DENND1A: variants seen among roughly 807,000 people sequenced by gnomAD.
DENND1A encodes DENN domain containing 1A, also known as DENN domain-containing protein 1A.
A neutral mutation model predicts 113.7 loss-of-function variants in DENND1A; 51 were observed. The ratio of observed to expected loss-of-function variants is 0.45; its 90% CI spans 0.36 to 0.57. The LOEUF is 0.57. Ranked by LOEUF, DENND1A falls within the 20% of genes least tolerant of loss-of-function variation. The probability of loss-of-function intolerance (pLI) is 0.00; values close to 1 mark genes in which losing one functional copy is unlikely to be tolerated. For missense variants in DENND1A, 1,258 were observed against 1,395.9 expected, an observed-to-expected ratio of 0.90 and a Z score of 1.57; for synonymous variants, 565 against 570.8, an observed-to-expected ratio of 0.99 and a Z score of 0.14.
intron 13 of DENND1A, among the ~76,000 whole-genome samples, chr9:123,516,896 AAAAAAAAAAAAAAAAAAAAAAAAG>A (rs2053967195): frequency 3.1e-5 from 1 of 32,690 alleles, no homozygotes; most frequent in Non-Finnish European, 1.2e-4. Flanking sequence ...AAAAAAAAAA[AAAAAAAAAAAAAAAAAAAAAAAAG>A]AACGGACAAT....
At chr9:123,778,179 CAATAA>C (rs1390262288) in intron 3 of DENND1A, among the ~76,000 whole-genome samples, 2 of 152,178 alleles carry the variant, frequency 1.3e-5, no homozygotes, top group Non-Finnish European at 2.9e-5. Context: ...CAGCAAAATA[CAATAA>C]AATAATACAA....
intron 5 of DENND1A, among the ~76,000 whole-genome samples, chr9:123,677,056 C>A (rs2064122803): frequency 6.6e-6 from 1 of 152,202 alleles, no homozygotes; most frequent in African/African-American, 2.4e-5. Flanking sequence ...AAATTCAAAG[C>A]CGACTCCACA....
At chr9:123,651,007 T>C (rs963060050) in intron 9 of DENND1A, among the ~76,000 whole-genome samples, 1 of 151,730 alleles carries the variant, frequency 6.6e-6, no homozygotes, top group East Asian at 1.9e-4. Flanking sequence ...ATGTCACTAG[T>C]AGAATTTAGA....
At chr9:123,869,914 T>A (rs890192449) in intron 2 of DENND1A, among the ~76,000 whole-genome samples, 2 of 149,912 alleles carry the variant, frequency 1.3e-5, no homozygotes, top group African/African-American at 4.9e-5. Flanking sequence ...ATCACCTAAG[T>A]CTGGAAGGTC....
chr9:123,493,553 A>G (rs1363264829), intron 13 of DENND1A, among the ~76,000 whole-genome samples: 1 of 151,968 alleles, frequency 6.6e-6, no homozygotes, highest in Non-Finnish European at 1.5e-5. Context: ...GATGTCAGAC[A>G]CTCCTTCATC....
At chr9:123,499,129 G>A (rs2134184232) in intron 13 of DENND1A, among the ~76,000 whole-genome samples, 1 of 151,676 alleles carries the variant, frequency 6.6e-6, no homozygotes, top group East Asian at 1.9e-4. Context: ...CACCTCCCAG[G>A]TTCAAGCTAT....
chr9:123,575,750 T>C (rs1256336716), intron 12 of DENND1A, among the ~76,000 whole-genome samples: 1 of 152,220 alleles, frequency 6.6e-6, no homozygotes, highest in Non-Finnish European at 1.5e-5. Context: ...AAATATTATT[T>C]GGTATACTTG....
At chr9:123,832,779 T>A (rs1178908728) in intron 2 of DENND1A, among the ~76,000 whole-genome samples, 2 of 152,170 alleles carry the variant, frequency 1.3e-5, no homozygotes, top group African/African-American at 2.4e-5. Flanking sequence ...CATGACTCCA[T>A]CTATATAACT....
chr9:123,423,574 T>C (rs1416208961), intron 19 of DENND1A, among the ~76,000 whole-genome samples: 1 of 152,226 alleles, frequency 6.6e-6, no homozygotes, highest in Admixed American at 6.5e-5. Flanking sequence ...TTTCTAATGC[T>C]GGTGCACACT....
At chr9:123,779,737 C>A (rs1830979652) in intron 3 of DENND1A, among the ~76,000 whole-genome samples, 1 of 152,140 alleles carries the variant, frequency 6.6e-6, no homozygotes, top group East Asian at 1.9e-4. Flanking sequence ...TGAACTCAAG[C>A]GATTCACCCA....
chr9:123,559,903 C>T (rs2057640638), intron 12 of DENND1A, among the ~76,000 whole-genome samples: 1 of 152,198 alleles, frequency 6.6e-6, no homozygotes, highest in African/African-American at 2.4e-5. Context: ...GGTTGGCCTA[C>T]TCTGGACATT....
At chr9:123,594,020 G>T (rs1473694101) in intron 11 of DENND1A, among the ~76,000 whole-genome samples, 1 of 152,164 alleles carries the variant, frequency 6.6e-6, no homozygotes, top group African/African-American at 2.4e-5. Context: ...TACCATGATT[G>T]CAAGTTTCCT....
intron 5 of DENND1A, among the ~76,000 whole-genome samples, chr9:123,712,446 C>G (rs531378272): frequency 6.6e-6 from 1 of 152,318 alleles, no homozygotes; most frequent in Admixed American, 6.5e-5. Context: ...CTTTGTGCTC[C>G]TGTTCATTCA....
At chr9:123,902,178 C>A (rs903656008) in intron 1 of DENND1A, among the ~76,000 whole-genome samples, 10 of 115,550 alleles carry the variant, frequency 8.7e-5, no homozygotes, top group Admixed American at 7.8e-4. Flanking sequence ...CACACATACA[C>A]ACACACACAC....
intron 2 of DENND1A, among the ~76,000 whole-genome samples, chr9:123,805,458 G>C (rs113044386): frequency 0.078 from 11,466 of 147,948 alleles, 875 homozygotes; most frequent in African/African-American, 0.2. Context: ...TTTTGAGACA[G>C]AGTCTCACTC....
chr9:123,633,357 G>A (rs2061564201), intron 9 of DENND1A, among the ~76,000 whole-genome samples: 1 of 152,080 alleles, frequency 6.6e-6, no homozygotes, highest in South Asian at 2.1e-4. Context: ...GATGTGTCCT[G>A]AATAAATAAA....
intron 4 of DENND1A, 107 bp from the exon 5 acceptor site, chr9:123,757,929 G>T: frequency 1.2e-5 from 15 of 1,241,448 alleles, no homozygotes; most frequent in East Asian, 6.1e-5. Flanking sequence ...TCTCTCAGTG[G>T]AACTCTTAAA....
At chr9:123,675,894 T>C (rs2064048099) in intron 6 of DENND1A, among the ~76,000 whole-genome samples, 1 of 152,118 alleles carries the variant, frequency 6.6e-6, no homozygotes, top group African/African-American at 2.4e-5. Flanking sequence ...AAGGAAACAA[T>C]CCAAAATGAA....
At chr9:123,754,844 CAA>C (rs2131364262) in intron 5 of DENND1A, among the ~76,000 whole-genome samples, 1 of 152,246 alleles carries the variant, frequency 6.6e-6, no homozygotes, top group South Asian at 2.1e-4. Flanking sequence ...TATAGGCACA[CAA>C]AGTCACACAT....
Sources: gnomAD v4.1 joint callset for allele counts (sites outside exome capture counted in the v4.1 genomes callset) on GRCh38, gnomAD v4.1.1 for gene constraint, MANE v1.5 for transcripts, NCBI Gene and HGNC (gene_info 2026-07-23, HGNC 2026-07-21) for gene names.